Variants in CDH12 observed in about 807,000 individuals in gnomAD.
The protein encoded by CDH12 is cadherin-12.
Under a neutral mutation model 74.1 loss-of-function variants are expected in CDH12, and 41 were observed. That is an observed-to-expected ratio of 0.55 (90% CI 0.43 to 0.72). The LOEUF (loss-of-function observed/expected upper bound fraction) is 0.72. Ranked by LOEUF, CDH12 falls within the 30% of genes least tolerant of loss-of-function variation. CDH12 has a pLI of 0.00. For synonymous variants in CDH12, 399 were observed against 355.0 expected (o/e 1.12, Z -1.39); for missense variants, 945 against 977.2 (o/e 0.97, Z 0.44).
intron 1 of CDH12, among the ~76,000 whole-genome samples, chr5:22,811,473 A>G (rs765542625): frequency 2.6e-5 from 4 of 152,076 alleles, no homozygotes; most frequent in Non-Finnish European, 5.9e-5. Flanking sequence ...TTGTTTTCCT[A>G]CAGGTGTGTT....
At chr5:22,046,426 A>ATTTTTTTTTTT (rs1739955012) in intron 5 of CDH12, among the ~76,000 whole-genome samples, 1 of 127,456 alleles carries the variant, frequency 7.8e-6, no homozygotes, top group African/African-American at 3.8e-5. Context: ...TGGTCATTTA[A>ATTTTTTTTTTT]TTTCTTTTTT....
At chr5:21,927,039 T>C (rs1754614803) in intron 6 of CDH12, among the ~76,000 whole-genome samples, 2 of 152,168 alleles carry the variant, frequency 1.3e-5, no homozygotes, top group South Asian at 4.1e-4. Context: ...ATGGGACCAC[T>C]TGGAGTTTGT....
intron 4 of CDH12, among the ~76,000 whole-genome samples, chr5:22,188,426 C>T (rs887361341): frequency 1.3e-5 from 2 of 151,986 alleles, no homozygotes; most frequent in South Asian, 2.1e-4. Context: ...TTACTAATTA[C>T]CCAGTCAAAG....
intron 2 of CDH12, among the ~76,000 whole-genome samples, chr5:22,455,571 G>T (rs1043234040): frequency 6.6e-5 from 10 of 152,074 alleles, no homozygotes; most frequent in African/African-American, 2.2e-4. Context: ...TAAACCATAC[G>T]CATGAAAATG....
intron 9 of CDH12, among the ~76,000 whole-genome samples, chr5:21,814,444 G>C (rs995315493): frequency 6.6e-6 from 1 of 151,692 alleles, no homozygotes; most frequent in African/African-American, 2.4e-5. Context: ...AGATTAATAT[G>C]TTTTGATATA....
intron 6 of CDH12, among the ~76,000 whole-genome samples, chr5:21,857,028 G>A (rs1750788730): frequency 6.6e-6 from 1 of 151,776 alleles, no homozygotes; most frequent in African/African-American, 2.4e-5. Flanking sequence ...GCTGCTTGAT[G>A]ACTGTCACCA....
rs578027725 is a variant in CDH12, at chr5:22,405,939, G to T, written c.-427-588C>A. ...TCTAGATTACTTATAATGCATAATA[G>T]AATGCAAATTCTATGTAAATAGTAG... On this transcript the variant is annotated intron_variant, in intron 2 of 14. Coordinates refer to ENST00000382254, the MANE Select transcript of CDH12 (RefSeq NM_004061.5). 2.6e-5 allele frequency among the ~76,000 whole-genome samples: 4 copies of T among 152,212 alleles called. No homozygotes were observed. In the East Asian group the frequency reaches 5.8e-4, roughly 22 times the overall value.
chr5:22,285,978 A>G (rs975706151), intron 3 of CDH12, among the ~76,000 whole-genome samples: 7 of 151,984 alleles, frequency 4.6e-5, no homozygotes, highest in Non-Finnish European at 1.0e-4. Context: ...TATTTTTATA[A>G]TTTATCTTTA....
At chr5:22,093,006 T>G (rs1486533680) in intron 4 of CDH12, among the ~76,000 whole-genome samples, 1 of 152,094 alleles carries the variant, frequency 6.6e-6, no homozygotes, top group Non-Finnish European at 1.5e-5. Context: ...CAGCCTCACA[T>G]GAGAGTGCAC....
chr5:22,659,375 TA>T (rs1740229471), intron 1 of CDH12, among the ~76,000 whole-genome samples: 1 of 151,852 alleles, frequency 6.6e-6, no homozygotes, highest in Non-Finnish European at 1.5e-5. Context: ...GAAAAATATT[TA>T]GCAAATAAAA....
chr5:22,843,211 A>G (rs1191729957), intron 1 of CDH12, among the ~76,000 whole-genome samples: 1 of 152,104 alleles, frequency 6.6e-6, no homozygotes, highest in Non-Finnish European at 1.5e-5. Flanking sequence ...TGAATCCACA[A>G]TACTGGGGAA....
In CDH12 at chr5:21,816,932, T is replaced by A. The variant is rs1441636443; in HGVS notation, c.1002+13A>T. 6.6e-7 allele frequency: 1 copy of A among 1,520,124 alleles called. No individual in the cohort carries two copies. Among genetic ancestry groups the A allele is most frequent in the Non-Finnish European group, 9.0e-7 (1 of 1,116,360 alleles). 94.2% of individuals were successfully genotyped at this position (1,520,124 alleles called of 1,614,324 possible). ...TATTTAGTAGTCAACTGTCCCAACA[T>A]TTGTCTATATACCTTTTTCAATTTG... On this transcript the variant is annotated intron_variant, in intron 9 of 14. Coordinates refer to ENST00000382254, the MANE Select transcript of CDH12 (RefSeq NM_004061.5).
At chr5:22,114,260 G>A (rs1483520928) in intron 4 of CDH12, among the ~76,000 whole-genome samples, 1 of 152,012 alleles carries the variant, frequency 6.6e-6, no homozygotes, top group African/African-American at 2.4e-5. Context: ...GAGTGTGATT[G>A]GTACTGTGTG....
intron 6 of CDH12, among the ~76,000 whole-genome samples, chr5:21,897,771 A>C (rs1409042049): frequency 6.6e-6 from 1 of 152,218 alleles, no homozygotes; most frequent in Non-Finnish European, 1.5e-5. Context: ...AATGAATTTA[A>C]AAAATACAAA....
chr5:21,792,525 T>G (rs1191215668), intron 10 of CDH12, among the ~76,000 whole-genome samples: 1 of 151,386 alleles, frequency 6.6e-6, no homozygotes, highest in Non-Finnish European at 1.5e-5. Context: ...AAATATACCA[T>G]AATCTACATA....
intron 6 of CDH12, chr5:21,883,862 C>T (rs1752489427): frequency 1.9e-6 from 3 of 1,607,262 alleles, no homozygotes; most frequent in East Asian, 2.2e-5. Flanking sequence ...TTACAGATGC[C>T]CTTAATGCTA....
intron 1 of CDH12, among the ~76,000 whole-genome samples, chr5:22,517,132 A>G (rs1367605134): frequency 6.6e-6 from 1 of 152,110 alleles, no homozygotes; most frequent in Non-Finnish European, 1.5e-5. Context: ...ACAGACCAGC[A>G]GAGGAAAGAT....
intron 1 of CDH12, among the ~76,000 whole-genome samples, chr5:22,562,997 T>C (rs1739129728): frequency 6.8e-6 from 1 of 147,608 alleles, no homozygotes; most frequent in Admixed American, 6.8e-5. Flanking sequence ...TGAATATTTA[T>C]ATATGCAAAT....
At chr5:22,599,749 CTTAT>C (rs1480272913) in intron 1 of CDH12, among the ~76,000 whole-genome samples, 5 of 152,034 alleles carry the variant, frequency 3.3e-5, no homozygotes, top group Admixed American at 1.3e-4. Context: ...AGTAAATATA[CTTAT>C]TTATGTATCA....
Sources: gnomAD v4.1 joint callset for allele counts (sites outside exome capture counted in the v4.1 genomes callset) on GRCh38, gnomAD v4.1.1 for gene constraint, MANE v1.5 for transcripts, NCBI Gene and HGNC (gene_info 2026-07-23, HGNC 2026-07-21) for gene names.